RIN3: variants seen among roughly 807,000 people sequenced by gnomAD.
RIN3 encodes RAB5 interacting protein 3.
A neutral mutation model predicts 76.3 loss-of-function variants in RIN3; 54 were observed. The observed-to-expected ratio is 0.71, with a 90% confidence interval of 0.57 to 0.89. The LOEUF (loss-of-function observed/expected upper bound fraction) is 0.89, where lower values mean the gene tolerates loss of function less well. Among genes scored for constraint, RIN3 ranks in the 40% least tolerant of loss-of-function variants. The pLI, the probability that RIN3 is intolerant of heterozygous loss-of-function variation, is 0.00. For missense variants in RIN3, 1,256 were observed against 1,322.1 expected, an observed-to-expected ratio of 0.95 and a Z score of 0.78; for synonymous variants, 576 against 564.0, an observed-to-expected ratio of 1.02 and a Z score of -0.30.
In RIN3 at chr14:92,688,408, A is replaced by G. The variant is rs1007722138; in HGVS notation, c.*156A>G. On this transcript the variant is annotated 3_prime_UTR_variant, in exon 10 of 10. Transcript: ENST00000216487. ...GCAGGACAGTTGTGAAAATAACATGACGCTCGTCCAAGGCCACTTCCTGAG... is the reference window on the plus strand; with the variant it reads ...GCAGGACAGTTGTGAAAATAACATGGCGCTCGTCCAAGGCCACTTCCTGAG... 7.4e-5 allele frequency: 52 copies of G among 706,828 alleles called. No individual in the cohort carries two copies. Among genetic ancestry groups the G allele is most frequent in the Non-Finnish European group, 1.1e-4 (49 of 440,938 alleles). The allele number at this position is 706,828 out of a possible 1,614,324, so 43.8% of individuals were successfully genotyped here.
chr14:92,652,740 G>T lies in RIN3; in HGVS notation c.1691G>T (p.Ser564Ile). Residue 564 changes from serine to isoleucine, a missense_variant, in exon 6 of 10, where the codon AGC (serine) becomes ATC (isoleucine). Ser to Ile is a moderately radical substitution (Grantham distance 142). Around this residue, in one of 3 missense-constraint regions of RIN3, gnomAD observed 428 missense variants for 521.2 expected, o/e 0.82. Transcript: ENST00000216487. The surrounding 1 kb of genome is among the most constrained non-coding windows in gnomAD (Gnocchi z 6.4). ...GAGGAGGAGCTGGAGCAGTTCAGCA[G>T]CCCCAGCGTGAAGAAGAAGCCCTCC... ...STEEELEQFSSPSVKKKPSMI... is the reference protein window; with the variant it reads ...STEEELEQFSIPSVKKKPSMI... 1 of 1,613,820 alleles carries T rather than the reference G, an allele frequency of 6.2e-7. No individual in the cohort carries two copies. Among genetic ancestry groups the T allele is most frequent in the Non-Finnish European group, 8.5e-7 (1 of 1,180,030 alleles).
At chr14:92,535,992 C>T (rs940603071) in intron 1 of RIN3, among the ~76,000 whole-genome samples, 1 of 152,142 alleles carries the variant, frequency 6.6e-6, no homozygotes, top group African/African-American at 2.4e-5. Context: ...ACAAGACTGT[C>T]CTTTCCTCAT....
At chr14:92,605,842 A>G (rs1885507025) in intron 3 of RIN3, among the ~76,000 whole-genome samples, 2 of 152,262 alleles carry the variant, frequency 1.3e-5, no homozygotes. Flanking sequence ...TTAAAGGCCC[A>G]CAATTCATTA....
rs1408298221 is a variant in RIN3 at position 92,552,602 on chromosome 14, CAGGAGCAGGAAT to C, written c.45-3148_45-3137del. ...TCATTGTCCCTCCTTGCACTTGCTC[CAGGAGCAGGAAT>C]TGCAGGCTTGGGAGTTTGCTCTTCC... On this transcript the variant is annotated intron_variant, in intron 1 of 9. Transcript: ENST00000216487. Among the ~76,000 whole-genome samples the C allele has an allele frequency of 5.9e-5, 9 of 152,226 alleles. No homozygotes were observed. In the East Asian group the frequency reaches 1.7e-3, roughly 30 times the overall value.
At chr14:92,533,100 C>A (rs894895884) in intron 1 of RIN3, among the ~76,000 whole-genome samples, 2 of 152,218 alleles carry the variant, frequency 1.3e-5, no homozygotes, top group African/African-American at 2.4e-5. Flanking sequence ...TATAGTTTTC[C>A]TCTTTATTTC....
intron 1 of RIN3, among the ~76,000 whole-genome samples, chr14:92,541,441 A>G (rs1212897562): frequency 6.6e-6 from 1 of 152,234 alleles, no homozygotes; most frequent in African/African-American, 2.4e-5. Flanking sequence ...AGTGCAAAGA[A>G]AGAAGGATAC....
chr14:92,559,873 G>A (rs1437670686), intron 2 of RIN3, among the ~76,000 whole-genome samples: 1 of 152,340 alleles, frequency 6.6e-6, no homozygotes, highest in East Asian at 1.9e-4. Context: ...ACCCTGGAGA[G>A]CAGGACCATG....
At chr14:92,628,155 G>A (rs1886425874) in intron 4 of RIN3, among the ~76,000 whole-genome samples, 1 of 152,216 alleles carries the variant, frequency 6.6e-6, no homozygotes, top group African/African-American at 2.4e-5. Context: ...AGGGCTAATA[G>A]ATGAATGGGT....
chr14:92,622,611 T>C (rs1886221173), intron 4 of RIN3, among the ~76,000 whole-genome samples: 1 of 152,214 alleles, frequency 6.6e-6, no homozygotes, highest in Non-Finnish European at 1.5e-5. Context: ...ACGCAGACCC[T>C]GTTCCTGTGT....
chr14:92,667,241 G>A (rs938878981), intron 7 of RIN3, among the ~76,000 whole-genome samples: 3 of 152,162 alleles, frequency 2.0e-5, no homozygotes, highest in East Asian at 1.9e-4. Flanking sequence ...GGCTAGGCAC[G>A]GTGGCTCACG....
At chr14:92,557,798 G>A (rs1385017181) in intron 2 of RIN3, among the ~76,000 whole-genome samples, 3 of 152,218 alleles carry the variant, frequency 2.0e-5, no homozygotes, top group Admixed American at 6.5e-5. Flanking sequence ...AGTTCCCCTG[G>A]TAGGTTCTCA....
chr14:92,542,402 AAGAC>A (rs1276953136), intron 1 of RIN3, among the ~76,000 whole-genome samples: 2 of 152,250 alleles, frequency 1.3e-5, no homozygotes, highest in Non-Finnish European at 2.9e-5. Context: ...TGTAATAAAA[AAGAC>A]AGACAATATA....
chr14:92,548,302 G>A (rs972464558), intron 1 of RIN3, among the ~76,000 whole-genome samples: 2 of 152,072 alleles, frequency 1.3e-5, no homozygotes, highest in South Asian at 2.1e-4. Flanking sequence ...AGATTGCCAG[G>A]GTTTGAATCC....
At chr14:92,602,499 C>T (rs1885383455) in intron 3 of RIN3, among the ~76,000 whole-genome samples, 1 of 152,212 alleles carries the variant, frequency 6.6e-6, no homozygotes, top group East Asian at 1.9e-4. Context: ...TGGCCACAGC[C>T]TTGGGCCAGT....
At position 92,648,828 on chromosome 14, in the gene RIN3, C is replaced by T. The variant is rs1566885081; in HGVS notation, c.533-2754C>T. ...AGGCGGGGTGGGCAAGGCCTGAGCA[C>T]ATCAGGGAGGCGCTACCAGACAGGT... On this transcript the variant is annotated intron_variant, in intron 5 of 9. Transcript: ENST00000216487. This position sits in a 1 kb window ranked among gnomAD's most constrained non-coding sequence, Gnocchi z 4.1. Among the ~76,000 whole-genome samples, 3 of 152,202 alleles carry T rather than the reference C, an allele frequency of 2.0e-5. No homozygotes were observed. Among genetic ancestry groups the T allele is most frequent in the Admixed American group, 2.0e-4 (3 of 15,280 alleles).
Position 92,675,950 on chromosome 14 carries a change from G to A in RIN3, c.2336-525G>A, listed in dbSNP as rs563122543. Reference sequence around the variant, plus strand: ...AGATGATACTTCGAGGGGTCTTTACGTTTTAAAAGAAGGCCTTAGGAAAGG... The same window carrying A: ...AGATGATACTTCGAGGGGTCTTTACATTTTAAAAGAAGGCCTTAGGAAAGG... On this transcript the variant is annotated intron_variant, in intron 7 of 9. Transcript: ENST00000216487. 4.9e-4 allele frequency among the ~76,000 whole-genome samples: 75 copies of A among 152,200 alleles called. 1 individual carries two copies. The highest frequency in any genetic ancestry group is 5.7e-4 in the Non-Finnish European group (39 of 68,018).
At chr14:92,620,978 G>A (rs1886156030) in intron 4 of RIN3, among the ~76,000 whole-genome samples, 1 of 152,132 alleles carries the variant, frequency 6.6e-6, no homozygotes, top group Non-Finnish European at 1.5e-5. Context: ...CCAGCTTCAT[G>A]CTTAACTATA....
At chr14:92,675,925 AGAT>A (rs1595504464) in intron 7 of RIN3, among the ~76,000 whole-genome samples, 1 of 152,128 alleles carries the variant, frequency 6.6e-6, no homozygotes, top group South Asian at 2.1e-4. Flanking sequence ...AGTAGTGATG[AGAT>A]GATACTTCGA....
At chr14:92,565,390 A>G (rs896170628) in intron 2 of RIN3, among the ~76,000 whole-genome samples, 3 of 152,188 alleles carry the variant, frequency 2.0e-5, no homozygotes, top group African/African-American at 7.2e-5. Flanking sequence ...CTCAGGCAAG[A>G]AAGAAACAGG....
Sources: gnomAD v4.1 joint callset for allele counts (sites outside exome capture counted in the v4.1 genomes callset) on GRCh38, gnomAD v4.1.1 for gene constraint, gnomAD v4.1.1 regional missense constraint, Gnocchi (gnomAD v3.1) non-coding constraint, MANE v1.5 for transcripts, NCBI Gene and HGNC (gene_info 2026-07-23, HGNC 2026-07-21) for gene names.